USP31: variants seen among roughly 807,000 people sequenced by gnomAD.
USP31 encodes ubiquitin carboxyl-terminal hydrolase 31.
USP31 carries 44 observed loss-of-function variants against 119.4 expected under a neutral mutation model. The ratio of observed to expected loss-of-function variants is 0.37; its 90% CI spans 0.29 to 0.47. USP31 has a LOEUF of 0.47. Ranked by LOEUF, USP31 falls within the 20% of genes least tolerant of loss-of-function variation. USP31 has a pLI of 0.99. For missense variants in USP31, 1,643 were observed against 1,730.2 expected (o/e 0.95, Z 0.89); for synonymous variants, 749 against 705.6 (o/e 1.06, Z -0.97).
intron 1 of USP31, among the ~76,000 whole-genome samples, chr16:23,134,301 C>G (rs1416038893): frequency 6.6e-6 from 1 of 151,992 alleles, no homozygotes. Context: ...TACAGAGAAA[C>G]CTTTTGTAAA....
At chr16:23,097,011 T>G (rs1270274894) in intron 6 of USP31, among the ~76,000 whole-genome samples, 2 of 151,380 alleles carry the variant, frequency 1.3e-5, no homozygotes, top group Non-Finnish European at 2.9e-5. Context: ...CTGAAAGAGA[T>G]AGAGACACAA....
At chr16:23,111,314 A>G (rs1475166881) in intron 1 of USP31, among the ~76,000 whole-genome samples, 1 of 152,174 alleles carries the variant, frequency 6.6e-6, no homozygotes, top group Non-Finnish European at 1.5e-5. Context: ...TTCAAGTGGT[A>G]GAATCAATAG....
In USP31 at chr16:23,061,846, T is replaced by G. The variant is rs1039498371; in HGVS notation, c.*6200A>C. The G allele has an allele frequency of 1.3e-5, 2 of 152,678 alleles. No homozygotes were observed. The highest frequency in any genetic ancestry group is 2.9e-5 in the Non-Finnish European group (2 of 68,054). 9.5% of individuals were successfully genotyped at this position (152,678 alleles called of 1,614,324 possible). A position where few individuals can be genotyped will look rare whatever the true frequency, so the allele number is the denominator to read the frequency against. Reference sequence around the variant, plus strand: ...CTGAAGAGTTCAATCAAGAAACGACTTATGTCAATGAGGCTTAAATTCAAT... The same window carrying G: ...CTGAAGAGTTCAATCAAGAAACGACGTATGTCAATGAGGCTTAAATTCAAT... On this transcript the variant is annotated 3_prime_UTR_variant, in exon 16 of 16. Coordinates refer to ENST00000219689, the MANE Select transcript of USP31 (RefSeq NM_020718.4).
Position 23,072,122 on chromosome 16 carries a change from G to A in USP31, c.2411C>T (p.Ala804Val). 6.2e-7 allele frequency: 1 copy of A among 1,613,216 alleles called. No individual in the cohort carries two copies. ...CAGGGAGGTGCGTCTGGAGGAAGCT[G>A]CAGAGGTCACGCTGGCTGGCTTGCT... ...PGSKPASVTS[A>V]ASSRRTSLAS... is the part of the protein sequence containing the mutation. The change falls in exon 15 of 16, where the codon GCA becomes GTA. Residue 804 changes from alanine to valine, a missense_variant. This residue lies in a region of USP31 where 279 missense variants were observed against 372.2 expected (regional missense o/e 0.75). Coordinates refer to ENST00000219689, the MANE Select transcript of USP31 (RefSeq NM_020718.4).
Position 23,063,039 on chromosome 16 carries a change from T to C in USP31, c.*5007A>G, listed in dbSNP as rs1899914428. The C allele has an allele frequency of 6.6e-6, 1 of 152,352 alleles. No individual in the cohort carries two copies. The highest frequency in any genetic ancestry group is 1.5e-5 in the Non-Finnish European group (1 of 68,024). The allele number at this position is 152,352 out of a possible 1,614,324, so 9.4% of individuals were successfully genotyped here. ...GTAATTCCTGGATCCCACCCCTACA[T>C]GAATTAGATCAAAAGCTAGGGACTG... On this transcript the variant is annotated 3_prime_UTR_variant, in exon 16 of 16. Coordinates refer to ENST00000219689, the MANE Select transcript of USP31 (RefSeq NM_020718.4).
chr16:23,130,924 G>T (rs75919817), intron 1 of USP31, among the ~76,000 whole-genome samples: 3,780 of 152,286 alleles, frequency 0.025, 58 homozygotes, highest in African/African-American at 0.04. Flanking sequence ...GCAAGATGCA[G>T]GATTCTATTC....
intron 6 of USP31, among the ~76,000 whole-genome samples, chr16:23,097,593 A>G (rs1226124167): frequency 2.0e-5 from 3 of 152,190 alleles, no homozygotes; most frequent in African/African-American, 4.8e-5. Context: ...CTGGCAAACC[A>G]AATCCAGCAG....
At chr16:23,147,850 G>A (rs1323243813) in intron 1 of USP31, among the ~76,000 whole-genome samples, 2 of 152,156 alleles carry the variant, frequency 1.3e-5, no homozygotes, top group South Asian at 2.1e-4. Flanking sequence ...AAGGTGAGGC[G>A]GGAGGATTGC....
In USP31 at chr16:23,148,861, C is replaced by T; in HGVS notation, c.410G>A (p.Cys137Tyr). ...VAGLRNHGNT[C>Y]FMNATLQCLS... ...GCACTGCAGCGTGGCGTTCATGAAG[C>T]ACGTGTTGCCGTGGTTGCGGAGCCC... The change falls in exon 1 of 16, where the codon TGC becomes TAC. Residue 137 changes from cysteine to tyrosine, a missense_variant. Physicochemically the swap from Cys to Tyr is radical, Grantham distance 194. This residue lies in a region of USP31 where 302 missense variants were observed against 262.6 expected (regional missense o/e 1.15). Coordinates refer to ENST00000219689, the MANE Select transcript of USP31 (RefSeq NM_020718.4). The T allele has an allele frequency of 6.6e-7, 1 of 1,516,658 alleles. No homozygotes were observed. Among genetic ancestry groups the T allele is most frequent in the Non-Finnish European group, 8.8e-7 (1 of 1,131,510 alleles). 94.0% of individuals were successfully genotyped at this position (1,516,658 alleles called of 1,614,324 possible).
chr16:23,110,796 C>A (rs1567239601), intron 1 of USP31, among the ~76,000 whole-genome samples: 1 of 152,042 alleles, frequency 6.6e-6, no homozygotes, highest in Non-Finnish European at 1.5e-5. Flanking sequence ...GAGATATAAC[C>A]AGCACTCAAA....
intron 13 of USP31, chr16:23,079,630 C>CT (rs1407946063): frequency 6.4e-5 from 15 of 233,174 alleles, no homozygotes; most frequent in African/African-American, 2.9e-4. Context: ...TCAAGGAACT[C>CT]TATCTAGCAA....
At chr16:23,132,346 T>G (rs74667530) in intron 1 of USP31, among the ~76,000 whole-genome samples, 60 of 152,240 alleles carry the variant, frequency 3.9e-4, no homozygotes, top group African/African-American at 1.0e-3. Flanking sequence ...TTTTTTTTTT[T>G]TGTGGAAACT....
rs1214538625 is a variant in USP31, at chr16:23,083,510, A to G, written c.1831-953T>C. On this transcript the variant is annotated intron_variant, in intron 11 of 15. Transcript: ENST00000219689. ...CCTGCTACCATTCTAGATCAGTGAG[A>G]TGTGTTGTGGAATACCAGTGCTGCC... Among the ~76,000 whole-genome samples, 11 of 150,462 alleles carry G rather than the reference A, an allele frequency of 7.3e-5. No homozygotes were observed. The Admixed American group carries it at 7.3e-4, about 10-fold the overall frequency.
chr16:23,088,162 G>A (rs961031258), intron 7 of USP31, among the ~76,000 whole-genome samples: 2 of 152,080 alleles, frequency 1.3e-5, no homozygotes, highest in Admixed American at 6.6e-5. Context: ...AGCACAGGTC[G>A]AACTCATAAG....
intron 1 of USP31, among the ~76,000 whole-genome samples, chr16:23,145,547 A>C (rs1028645332): frequency 2.0e-5 from 3 of 152,258 alleles, no homozygotes; most frequent in African/African-American, 2.4e-5. Flanking sequence ...AAGCCTGCTG[A>C]GGGGGCTTCT....
At chr16:23,145,620 C>T (rs1158876754) in intron 1 of USP31, among the ~76,000 whole-genome samples, 1 of 152,190 alleles carries the variant, frequency 6.6e-6, no homozygotes, top group East Asian at 1.9e-4. Flanking sequence ...GGTGCAGTGG[C>T]TGCCATCACT....
Position 23,087,873 on chromosome 16 carries a change from G to A in USP31, c.1416-38C>T, listed in dbSNP as rs754081632. The A allele has an allele frequency of 7.8e-6, 12 of 1,533,510 alleles. 1 individual carries two copies. Among genetic ancestry groups the A allele is most frequent in the South Asian group, 4.5e-5 (4 of 88,826 alleles). The allele number at this position is 1,533,510 out of a possible 1,614,324, so 95.0% of individuals were successfully genotyped here. A position where few individuals can be genotyped will look rare whatever the true frequency, so the allele number is the denominator to read the frequency against. ...AACAATGTAATCACCTTTAAAGTACGGTAATTCCTTTAACACTGTTATCTT... is the reference window on the plus strand; with the variant it reads ...AACAATGTAATCACCTTTAAAGTACAGTAATTCCTTTAACACTGTTATCTT... On this transcript the variant is annotated intron_variant, in intron 7 of 15. Coordinates refer to ENST00000219689, the MANE Select transcript of USP31 (RefSeq NM_020718.4).
intron 9 of USP31, among the ~76,000 whole-genome samples, chr16:23,086,085 G>A (rs1239937175): frequency 2.0e-5 from 3 of 152,068 alleles, no homozygotes; most frequent in African/African-American, 7.2e-5. Flanking sequence ...GCCTGCTCTA[G>A]ACTGCACCCT....
intron 1 of USP31, among the ~76,000 whole-genome samples, chr16:23,143,594 G>A (rs77699703): frequency 5.3e-5 from 8 of 149,970 alleles, no homozygotes; most frequent in Non-Finnish European, 1.0e-4. Flanking sequence ...TTGGGGGGGG[G>A]GAGAGAGAGA....
Sources: allele counts gnomAD v4.1 joint callset (sites outside exome capture counted in the v4.1 genomes callset), GRCh38; gene constraint gnomAD v4.1.1; regional missense constraint gnomAD v4.1.1; transcripts MANE v1.5; gene names NCBI Gene and HGNC (gene_info 2026-07-23, HGNC 2026-07-21).